Variants in ADAM12 observed in about 807,000 individuals in gnomAD.
ADAM12 encodes the protein ADAM metallopeptidase domain 12, also known as disintegrin and metalloproteinase domain-containing protein 12.
Under a neutral mutation model 106.4 loss-of-function variants are expected in ADAM12, and 70 were observed. That is an observed-to-expected ratio of 0.66 (90% confidence interval 0.54 to 0.80). The LOEUF is 0.80. Among genes scored for constraint, ADAM12 ranks in the 30% least tolerant of loss-of-function variants. The probability of loss-of-function intolerance (pLI) is 0.00; values close to 1 mark genes in which losing one functional copy is unlikely to be tolerated. For missense variants in ADAM12, 1,010 were observed against 1,171.9 expected (o/e 0.86, Z 2.02); for synonymous variants, 420 against 433.5 (o/e 0.97, Z 0.39).
At chr10:126,041,971 G>A (rs1954183212) in intron 18 of ADAM12, 1 of 1,431,056 alleles carries the variant, frequency 7.0e-7, no homozygotes, top group Non-Finnish European at 9.1e-7. Flanking sequence ...GTGCCTGGTA[G>A]GCTGGACTTC....
intron 3 of ADAM12, among the ~76,000 whole-genome samples, chr10:126,188,456 T>C (rs999542987): frequency 6.6e-6 from 1 of 152,180 alleles, no homozygotes; most frequent in Non-Finnish European, 1.5e-5. Flanking sequence ...TGCAGAATGG[T>C]CCATCTGTTT....
intron 5 of ADAM12, among the ~76,000 whole-genome samples, chr10:126,122,759 C>CAAAAACAAA (rs1193890045): frequency 1.3e-5 from 2 of 151,250 alleles, no homozygotes; most frequent in African/African-American, 4.9e-5. Flanking sequence ...GAGTCCCTCT[C>CAAAAACAAA]AAAAACAAAA....
chr10:126,278,883 T>A, intron 3 of ADAM12, 32 bp downstream of exon 3: 1 of 1,528,188 alleles, frequency 6.5e-7, no homozygotes, highest in Non-Finnish European at 9.0e-7. Flanking sequence ...CTTAACTTTC[T>A]CCTATCATGC....
chr10:126,296,920 T>C (rs955795928), intron 2 of ADAM12, among the ~76,000 whole-genome samples: 4 of 152,228 alleles, frequency 2.6e-5, no homozygotes, highest in African/African-American at 4.8e-5. Context: ...TTGAGGACTT[T>C]TAAAGCTGGG....
At chr10:126,026,290 C>T (rs1953871851) in intron 21 of ADAM12, among the ~76,000 whole-genome samples, 1 of 152,138 alleles carries the variant, frequency 6.6e-6, no homozygotes, top group Admixed American at 6.5e-5. Context: ...AGCTAACTAT[C>T]CTAAATATGT....
intron 3 of ADAM12, among the ~76,000 whole-genome samples, chr10:126,191,977 TG>T (rs534205978): frequency 6.6e-6 from 1 of 151,982 alleles, no homozygotes; most frequent in South Asian, 2.1e-4. Flanking sequence ...AGAGAGAGAA[TG>T]GGGAGGGCTA....
intron 6 of ADAM12, among the ~76,000 whole-genome samples, chr10:126,115,104 C>T (rs1461517104): frequency 6.6e-6 from 1 of 152,182 alleles, no homozygotes; most frequent in Non-Finnish European, 1.5e-5. Flanking sequence ...AACTCGCTGT[C>T]CTATATGTAC....
intron 3 of ADAM12, among the ~76,000 whole-genome samples, chr10:126,184,814 T>C (rs12254333): frequency 0.14 from 21,779 of 152,106 alleles, 1,687 homozygotes; most frequent in East Asian, 0.32. Context: ...AAATCCTGCC[T>C]TTCCCTCTGC....
At chr10:126,051,770 C>T (rs1293380832) in intron 14 of ADAM12, among the ~76,000 whole-genome samples, 5 of 152,196 alleles carry the variant, frequency 3.3e-5, no homozygotes, top group African/African-American at 1.2e-4. Context: ...ATAAGAGGGA[C>T]CAAACTGGAC....
At chr10:126,193,891 C>CATGAAATAAA (rs1335176010) in intron 3 of ADAM12, among the ~76,000 whole-genome samples, 2 of 127,896 alleles carry the variant, frequency 1.6e-5, no homozygotes, top group Non-Finnish European at 3.2e-5. Flanking sequence ...GACTCTGTCT[C>CATGAAATAAA]ATGAAATAAA....
Position 126,326,501 on chromosome 10 carries a change from C to G in ADAM12, c.186+3911G>C, listed in dbSNP as rs34714550. ...TCCACGGGCAAGTCCAACAAACTTT[C>G]CCTTCAAAGTACGTCTCCAGTCCAA... On this transcript the variant is annotated intron_variant, in intron 2 of 22. Coordinates refer to ENST00000448723, the MANE Select transcript of ADAM12 (RefSeq NM_001288973.2). Among the ~76,000 whole-genome samples the G allele has an allele frequency of 1.7e-3, 261 of 152,266 alleles. 7 individuals are homozygous for G. Among genetic ancestry groups the G allele is most frequent in the South Asian group, 0.01 (49 of 4,818 alleles).
chr10:126,047,196 G>C (rs1318228179), intron 16 of ADAM12, among the ~76,000 whole-genome samples: 2 of 152,148 alleles, frequency 1.3e-5, no homozygotes, highest in African/African-American at 4.8e-5. Flanking sequence ...AAAGGAAAAA[G>C]AGTCTAACGT....
chr10:126,322,904 G>C (rs1854153951), intron 2 of ADAM12, among the ~76,000 whole-genome samples: 2 of 152,150 alleles, frequency 1.3e-5, no homozygotes, highest in African/African-American at 4.8e-5. Context: ...CCATAATGAT[G>C]GGTTATATGA....
At chr10:126,095,484 A>C (rs1955539679) in intron 10 of ADAM12, among the ~76,000 whole-genome samples, 1 of 144,860 alleles carries the variant, frequency 6.9e-6, no homozygotes, top group South Asian at 2.2e-4. Context: ...CAGTGAGCCA[A>C]GATCCCACCA....
At position 126,258,379 on chromosome 10, in the gene ADAM12, C is replaced by T. The variant is rs1400017800; in HGVS notation, c.260+20536G>A. 2.6e-5 allele frequency among the ~76,000 whole-genome samples: 4 copies of T among 152,162 alleles called. No homozygotes were observed. The East Asian group carries it at 7.7e-4, about 29-fold the overall frequency. On this transcript the variant is annotated intron_variant, in intron 3 of 22. Transcript: ENST00000448723. ...AATTCCTCCACCTCACTCATCCCCA[C>T]TGCCTCCGTGCCCCACACGCCCCAC...
chr10:126,267,088 C>CCCAAAT (rs1194073389), intron 3 of ADAM12, among the ~76,000 whole-genome samples: 1 of 152,154 alleles, frequency 6.6e-6, no homozygotes, highest in African/African-American at 2.4e-5. Context: ...CAGCCTGATA[C>CCCAAAT]CCAAATCCAA....
intron 21 of ADAM12, among the ~76,000 whole-genome samples, chr10:126,031,966 T>G (rs530205336): frequency 1.3e-5 from 2 of 152,298 alleles, no homozygotes; most frequent in African/African-American, 4.8e-5. Flanking sequence ...ATTCCAAGGG[T>G]CCTTTTACCA....
At chr10:126,252,620 G>A (rs1433728879) in intron 3 of ADAM12, among the ~76,000 whole-genome samples, 2 of 152,152 alleles carry the variant, frequency 1.3e-5, no homozygotes, top group African/African-American at 4.8e-5. Context: ...CTCTATTTTT[G>A]TTCTATCCAG....
chr10:126,219,103 T>C (rs1022554989), intron 3 of ADAM12, among the ~76,000 whole-genome samples: 22 of 152,220 alleles, frequency 1.4e-4, no homozygotes, highest in African/African-American at 5.3e-4. Context: ...ACAGGTCCCA[T>C]GCTTTGCTCT....
Sources: allele counts gnomAD v4.1 joint callset (sites outside exome capture counted in the v4.1 genomes callset), GRCh38; gene constraint gnomAD v4.1.1; transcripts MANE v1.5; gene names NCBI Gene and HGNC (gene_info 2026-07-23, HGNC 2026-07-21).